SPIDR: variants seen among roughly 807,000 people sequenced by gnomAD.
The protein encoded by SPIDR is scaffold protein involved in DNA repair, also known as DNA repair-scaffolding protein.
SPIDR carries 93 observed loss-of-function variants against 104.6 expected under a neutral mutation model. The observed-to-expected ratio is 0.89, with a 90% CI of 0.75 to 1.06. The LOEUF (loss-of-function observed/expected upper bound fraction) is 1.06, where lower values mean the gene tolerates loss of function less well. Among genes scored for constraint, SPIDR ranks in the 50% least tolerant of loss-of-function variants. The probability of loss-of-function intolerance (pLI) is 0.00; values close to 1 mark genes in which losing one functional copy is unlikely to be tolerated. For missense variants in SPIDR, 1,154 were observed against 1,111.2 expected, an observed-to-expected ratio of 1.04 and a Z score of -0.55; for synonymous variants, 431 against 416.9, an observed-to-expected ratio of 1.03 and a Z score of -0.41.
chr8:47,552,970 C>G (rs1167577105), intron 8 of SPIDR, among the ~76,000 whole-genome samples: 1 of 152,178 alleles, frequency 6.6e-6, no homozygotes, highest in African/African-American at 2.4e-5. Flanking sequence ...TGACAAAAAT[C>G]TCTCAACATT....
At chr8:47,365,549 T>C (rs1554633943) in intron 5 of SPIDR, among the ~76,000 whole-genome samples, 1 of 152,186 alleles carries the variant, frequency 6.6e-6, no homozygotes, top group African/African-American at 2.4e-5. Flanking sequence ...AGGCGGACTT[T>C]CAGATTGTTT....
At chr8:47,274,421 C>T (rs375980853) in intron 1 of SPIDR, among the ~76,000 whole-genome samples, 66 of 152,232 alleles carry the variant, frequency 4.3e-4, no homozygotes, top group African/African-American at 1.1e-3. Context: ...CTTTCCTTCT[C>T]GTTGAGATAC....
intron 8 of SPIDR, among the ~76,000 whole-genome samples, chr8:47,544,674 C>G (rs951079852): frequency 6.6e-6 from 1 of 152,192 alleles, no homozygotes; most frequent in Admixed American, 6.5e-5. Context: ...TCTGGGTGTT[C>G]TGTTCCGTTG....
intron 10 of SPIDR, among the ~76,000 whole-genome samples, chr8:47,644,203 C>T (rs2069782659): frequency 6.6e-6 from 1 of 152,134 alleles, no homozygotes; most frequent in African/African-American, 2.4e-5. Context: ...GAAGAAGGGC[C>T]CTGGAGATTG....
chr8:47,350,849 T>TA (rs1293707751), intron 5 of SPIDR, among the ~76,000 whole-genome samples: 2 of 152,218 alleles, frequency 1.3e-5, no homozygotes, highest in Non-Finnish European at 2.9e-5. Context: ...AGGCCTTAGT[T>TA]ACTTGTGATC....
At chr8:47,554,078 C>A (rs1381169159) in intron 8 of SPIDR, among the ~76,000 whole-genome samples, 1 of 152,124 alleles carries the variant, frequency 6.6e-6, no homozygotes, top group South Asian at 2.1e-4. Flanking sequence ...TACTGCAGAA[C>A]GGCAAATGTT....
intron 11 of SPIDR, among the ~76,000 whole-genome samples, chr8:47,677,141 C>G (rs1344605997): frequency 2.0e-5 from 3 of 152,218 alleles, no homozygotes; most frequent in Non-Finnish European, 4.4e-5. Context: ...TCCTCAATGA[C>G]TCTCTACTAA....
chr8:47,322,156 CAACCTACAGA>C (rs1563612011), intron 5 of SPIDR, among the ~76,000 whole-genome samples: 1 of 152,130 alleles, frequency 6.6e-6, no homozygotes, highest in Non-Finnish European at 1.5e-5. Flanking sequence ...GAGTGAACAG[CAACCTACAGA>C]ATGGGAGAAA....
chr8:47,289,845 C>T (rs1381692056), intron 3 of SPIDR, among the ~76,000 whole-genome samples: 1 of 152,156 alleles, frequency 6.6e-6, no homozygotes, highest in Non-Finnish European at 1.5e-5. Context: ...TAGCCCCAAA[C>T]TAGAAACAAC....
chr8:47,491,706 T>C (rs2078742994), intron 8 of SPIDR, among the ~76,000 whole-genome samples: 7 of 151,942 alleles, frequency 4.6e-5, no homozygotes, highest in Admixed American at 4.6e-4. Context: ...AGTATTAGCT[T>C]GGCATGGTGG....
In SPIDR at chr8:47,701,296, G is replaced by A. The variant is rs766817945; in HGVS notation, c.1774-425G>A. Among the ~76,000 whole-genome samples the A allele has an allele frequency of 1.6e-4, 25 of 152,314 alleles. No individual in the cohort carries two copies. In the East Asian group the frequency reaches 4.4e-3, roughly 27 times the overall value. Reference sequence around the variant, plus strand: ...AAAAATACAAAGTTAGCTGGGCATTGTGGCTCATGGCTGTAATGCCAGCTA... The same window carrying A: ...AAAAATACAAAGTTAGCTGGGCATTATGGCTCATGGCTGTAATGCCAGCTA... On this transcript the variant is annotated intron_variant, in intron 12 of 19. Transcript: ENST00000297423.
intron 8 of SPIDR, among the ~76,000 whole-genome samples, chr8:47,589,534 A>C (rs974902221): frequency 3.9e-5 from 6 of 152,188 alleles, no homozygotes; most frequent in South Asian, 2.1e-4. Flanking sequence ...CAAAACAAAA[A>C]AAAAAAATTA....
At chr8:47,588,355 GT>G in intron 8 of SPIDR, among the ~76,000 whole-genome samples, 1 of 148,400 alleles carries the variant, frequency 6.7e-6, no homozygotes, top group African/African-American at 2.5e-5. Context: ...ATTTTAAATG[GT>G]ATGTTTTTCC....
At chr8:47,686,099 G>A (rs1030438805) in intron 11 of SPIDR, among the ~76,000 whole-genome samples, 1 of 152,192 alleles carries the variant, frequency 6.6e-6, no homozygotes, top group Non-Finnish European at 1.5e-5. Context: ...TCTGGAAGGT[G>A]GATGAGTTGG....
At chr8:47,470,109 G>A (rs2075460112) in intron 8 of SPIDR, among the ~76,000 whole-genome samples, 1 of 152,084 alleles carries the variant, frequency 6.6e-6, no homozygotes, top group African/African-American at 2.4e-5. Flanking sequence ...TTTTGAAAAG[G>A]AAGAGCAAAT....
intron 17 of SPIDR, among the ~76,000 whole-genome samples, chr8:47,727,791 A>C (rs924823555): frequency 3.5e-4 from 53 of 152,194 alleles, no homozygotes; most frequent in Non-Finnish European, 8.8e-5. Context: ...GTCATGTGAT[A>C]GAAAGGGACA....
chr8:47,444,284 A>T (rs1585808150), intron 8 of SPIDR, among the ~76,000 whole-genome samples: 1 of 152,232 alleles, frequency 6.6e-6, no homozygotes, highest in Admixed American at 6.5e-5. Flanking sequence ...GCCTGATTAC[A>T]TCCTGCCATG....
intron 10 of SPIDR, among the ~76,000 whole-genome samples, chr8:47,626,504 A>G (rs578241910): frequency 5.9e-5 from 9 of 152,372 alleles, no homozygotes; most frequent in African/African-American, 2.2e-4. Flanking sequence ...CAAAGGGCTA[A>G]TATCCAGAAT....
intron 8 of SPIDR, among the ~76,000 whole-genome samples, chr8:47,568,091 A>G (rs2058104726): frequency 6.6e-6 from 1 of 152,022 alleles, no homozygotes; most frequent in African/African-American, 2.4e-5. Context: ...TCTTATTTTC[A>G]AAATGTATAA....
Sources: gnomAD v4.1 joint callset for allele counts (sites outside exome capture counted in the v4.1 genomes callset) on GRCh38, gnomAD v4.1.1 for gene constraint, MANE v1.5 for transcripts, NCBI Gene and HGNC (gene_info 2026-07-23, HGNC 2026-07-21) for gene names.